The following PPFIA2 variants were observed in gnomAD, a reference collection of about 807,000 sequenced individuals.
PPFIA2 encodes liprin-alpha-2.
Under a neutral mutation model 175.5 loss-of-function variants are expected in PPFIA2, and 46 were observed. The ratio of observed to expected loss-of-function variants is 0.26; its 90% confidence interval spans 0.21 to 0.34. The LOEUF (loss-of-function observed/expected upper bound fraction) is 0.34. Among genes scored for constraint, PPFIA2 ranks in the 10% least tolerant of loss-of-function variants. The probability of loss-of-function intolerance (pLI) is 1.00; values close to 1 mark genes in which losing one functional copy is unlikely to be tolerated. For synonymous variants in PPFIA2, 568 were observed against 511.4 expected (o/e 1.11, Z -1.49); for missense variants, 1,179 against 1,506.1 (o/e 0.78, Z 3.60).
At chr12:81,372,742 T>C (rs1392170240) in intron 11 of PPFIA2, among the ~76,000 whole-genome samples, 3 of 151,486 alleles carry the variant, frequency 2.0e-5, no homozygotes, top group East Asian at 1.9e-4. Flanking sequence ...ATATAAAAAG[T>C]ATATATTTAA....
intron 3 of PPFIA2, among the ~76,000 whole-genome samples, chr12:81,740,073 T>G (rs748963250): frequency 4.6e-5 from 7 of 152,102 alleles, no homozygotes; most frequent in South Asian, 2.1e-4. Context: ...AATCTCACTT[T>G]TTGAAAAGCA....
chr12:81,436,701 T>C (rs1432710212), intron 7 of PPFIA2, among the ~76,000 whole-genome samples: 1 of 152,206 alleles, frequency 6.6e-6, no homozygotes, highest in Admixed American at 6.5e-5. Flanking sequence ...TAATTTCATT[T>C]TGAAATATCA....
At chr12:81,523,417 AAC>A (rs1356543052) in intron 4 of PPFIA2, among the ~76,000 whole-genome samples, 2 of 152,148 alleles carry the variant, frequency 1.3e-5, no homozygotes, top group Non-Finnish European at 2.9e-5. Context: ...CCTAATTAAA[AAC>A]ACAAAAGTAT....
intron 8 of PPFIA2, among the ~76,000 whole-genome samples, chr12:81,395,185 T>A (rs1333509649): frequency 6.6e-6 from 1 of 152,040 alleles, no homozygotes; most frequent in African/African-American, 2.4e-5. Context: ...ATGCCAGTAT[T>A]AATTTATTAG....
intron 3 of PPFIA2, among the ~76,000 whole-genome samples, chr12:81,682,307 C>G (rs1017320953): frequency 6.6e-6 from 1 of 151,938 alleles, no homozygotes; most frequent in African/African-American, 2.4e-5. Flanking sequence ...GGAGAGCACC[C>G]TCAGAAGAAA....
At chr12:81,712,136 A>T (rs1050755524) in intron 3 of PPFIA2, among the ~76,000 whole-genome samples, 1 of 151,366 alleles carries the variant, frequency 6.6e-6, no homozygotes, top group Admixed American at 6.7e-5. Context: ...AAAACAACTT[A>T]GCACCACTTT....
chr12:81,308,511 C>G (rs1220385210), intron 22 of PPFIA2, among the ~76,000 whole-genome samples: 2 of 152,138 alleles, frequency 1.3e-5, no homozygotes, highest in Non-Finnish European at 2.9e-5. Flanking sequence ...CATGCCATCT[C>G]TTAGCCAATT....
intron 18 of PPFIA2, among the ~76,000 whole-genome samples, chr12:81,345,886 C>G (rs2058989618): frequency 6.6e-6 from 1 of 152,078 alleles, no homozygotes; most frequent in Non-Finnish European, 1.5e-5. Flanking sequence ...TATATCTCAG[C>G]ACATTGGCTA....
At chr12:81,516,810 A>G (rs2062503744) in intron 4 of PPFIA2, among the ~76,000 whole-genome samples, 1 of 152,198 alleles carries the variant, frequency 6.6e-6, no homozygotes, top group African/African-American at 2.4e-5. Flanking sequence ...CAGCCAACTA[A>G]TAAAATTGTT....
chr12:81,267,817 A>T, intron 29 of PPFIA2, 95 bp downstream of exon 29: 1 of 1,095,938 alleles, frequency 9.1e-7, no homozygotes, highest in Non-Finnish European at 1.3e-6. Context: ...AACTTTCATT[A>T]ACAATCATGA....
chr12:81,314,470 T>C (rs1163910974), intron 22 of PPFIA2, among the ~76,000 whole-genome samples: 1 of 151,924 alleles, frequency 6.6e-6, no homozygotes, highest in Non-Finnish European at 1.5e-5. Flanking sequence ...CATAAAAAAA[T>C]AGGTTATGTT....
chr12:81,620,131 G>T (rs1384362317), intron 4 of PPFIA2, among the ~76,000 whole-genome samples: 18 of 122,906 alleles, frequency 1.5e-4, no homozygotes, highest in African/African-American at 4.6e-4. Context: ...CTGCACTCCA[G>T]CCTGGGCCAC....
chr12:81,603,061 A>G (rs1180514729), intron 4 of PPFIA2, among the ~76,000 whole-genome samples: 1 of 151,834 alleles, frequency 6.6e-6, no homozygotes, highest in East Asian at 1.9e-4. Context: ...AAAATTAAAA[A>G]TCAGCCTGGT....
At chr12:81,696,034 T>C (rs954002106) in intron 3 of PPFIA2, among the ~76,000 whole-genome samples, 1 of 152,190 alleles carries the variant, frequency 6.6e-6, no homozygotes, top group Non-Finnish European at 1.5e-5. Flanking sequence ...TTGGTATTAA[T>C]ACAAGAGCTT....
intron 5 of PPFIA2, among the ~76,000 whole-genome samples, chr12:81,447,543 C>T (rs938513047): frequency 6.6e-6 from 1 of 152,198 alleles, no homozygotes; most frequent in South Asian, 2.1e-4. Flanking sequence ...TTGCTCACTA[C>T]TGTCTAAAGT....
chr12:81,704,321 T>C (rs971445526), intron 3 of PPFIA2, among the ~76,000 whole-genome samples: 1 of 152,148 alleles, frequency 6.6e-6, no homozygotes, highest in Non-Finnish European at 1.5e-5. Context: ...TTGAACCCAG[T>C]ACCTATTCTG....
Position 81,353,232 on chromosome 12 carries a change from G to T in PPFIA2, c.1881C>A (p.Asp627Glu), listed in dbSNP as rs372361512. 2.5e-5 allele frequency: 40 copies of T among 1,613,612 alleles called. No homozygotes were observed. In the African/African-American group the frequency reaches 4.7e-4, roughly 19 times the overall value. ...DTEMSDIDDD[D>E]RETIFSSMDL... ...CCATTGAGCTAAAAATTGTTTCTCT[G>T]TCATCATCATCAATATCAGACATTT... Residue 627 changes from aspartate (D) to glutamate (E), a missense_variant, in exon 17 of 33, where the codon GAC (aspartate) becomes GAA (glutamate). Physicochemically the swap from Asp to Glu is conservative, Grantham distance 45. Transcript: ENST00000549396.
intron 22 of PPFIA2, among the ~76,000 whole-genome samples, chr12:81,314,621 G>T (rs2051850904): frequency 6.6e-6 from 1 of 151,822 alleles, no homozygotes; most frequent in Non-Finnish European, 1.5e-5. Flanking sequence ...CAACTTTTCA[G>T]TTTCCTCACC....
chr12:81,415,478 T>C (rs2045041653), intron 7 of PPFIA2, among the ~76,000 whole-genome samples: 1 of 149,728 alleles, frequency 6.7e-6, no homozygotes, highest in Non-Finnish European at 1.5e-5. Flanking sequence ...ATACATCATA[T>C]AAAAAGTACA....
Sources: gnomAD v4.1 joint callset for allele counts (sites outside exome capture counted in the v4.1 genomes callset) on GRCh38, gnomAD v4.1.1 for gene constraint, MANE v1.5 for transcripts, NCBI Gene and HGNC (gene_info 2026-07-23, HGNC 2026-07-21) for gene names.